The following CABCOCO1 variants were observed in gnomAD, a reference collection of about 807,000 sequenced individuals.
The protein encoded by CABCOCO1 is ciliary-associated calcium-binding coiled-coil protein 1.
A neutral mutation model predicts 35.7 loss-of-function variants in CABCOCO1; 28 were observed. The ratio of observed to expected loss-of-function variants is 0.78; its 90% confidence interval spans 0.58 to 1.07. The LOEUF (loss-of-function observed/expected upper bound fraction) is 1.07, where lower values mean the gene tolerates loss of function less well. Among genes scored for constraint, CABCOCO1 ranks in the 50% least tolerant of loss-of-function variants. CABCOCO1 has a pLI of 0.00. For missense variants in CABCOCO1, 326 were observed against 309.2 expected (o/e 1.05, Z -0.41); for synonymous variants, 95 against 100.1 (o/e 0.95, Z 0.30).
At chr10:61,760,764 GTAAAA>G in intron 6 of CABCOCO1, 94 bp from the exon 7 acceptor site, 1 of 1,322,776 alleles carries the variant, frequency 7.6e-7, no homozygotes, top group Non-Finnish European at 1.0e-6. Flanking sequence ...GGAACTTAAA[GTAAAA>G]TAAAATATAT....
chr10:61,749,177 G>A (rs1340989017), intron 5 of CABCOCO1, among the ~76,000 whole-genome samples: 3 of 152,130 alleles, frequency 2.0e-5, no homozygotes, highest in Non-Finnish European at 2.9e-5. Flanking sequence ...TTTTTTGCAA[G>A]TAAGTGTTAA....
At chr10:61,690,255 C>G (rs1413631874) in intron 4 of CABCOCO1, among the ~76,000 whole-genome samples, 1 of 152,034 alleles carries the variant, frequency 6.6e-6, no homozygotes, top group Non-Finnish European at 1.5e-5. Context: ...TAGGAAAAGT[C>G]AAGATGCCAT....
intron 4 of CABCOCO1, among the ~76,000 whole-genome samples, chr10:61,686,733 T>C (rs1839977501): frequency 6.6e-6 from 1 of 152,226 alleles, no homozygotes; most frequent in Non-Finnish European, 1.5e-5. Flanking sequence ...CCAATTAAAC[T>C]CATTAAGTCT....
rs1279928520 is a variant in CABCOCO1, at chr10:61,734,804, T to C, written c.553-25255T>C. 2.0e-5 allele frequency among the ~76,000 whole-genome samples: 3 copies of C among 152,152 alleles called. No individual in the cohort carries two copies. In the East Asian group the frequency reaches 5.8e-4, roughly 29 times the overall value. ...AGTGAGCTCATCCAAACTAGAAGTG[T>C]TAGATAAAATTTTAAAACAAGAACA... On this transcript the variant is annotated intron_variant, in intron 5 of 7. Transcript: ENST00000648843.
At chr10:61,712,124 C>A (rs1157401523) in intron 5 of CABCOCO1, among the ~76,000 whole-genome samples, 1 of 32,558 alleles carries the variant, frequency 3.1e-5, no homozygotes, top group East Asian at 4.5e-4. Flanking sequence ...TCCTATTTCT[C>A]CACATCCTCC....
At chr10:61,737,565 C>CA (rs1228366892) in intron 5 of CABCOCO1, among the ~76,000 whole-genome samples, 13 of 152,264 alleles carry the variant, frequency 8.5e-5, no homozygotes, top group Admixed American at 3.3e-4. Context: ...AAATGCTCAT[C>CA]AATGACAGAC....
At chr10:61,681,932 T>C (rs1217369513) in intron 3 of CABCOCO1, among the ~76,000 whole-genome samples, 1 of 152,174 alleles carries the variant, frequency 6.6e-6, no homozygotes. Flanking sequence ...GCAACAGATA[T>C]TGGAGGAAGT....
intron 5 of CABCOCO1, among the ~76,000 whole-genome samples, chr10:61,715,769 A>G (rs1840849535): frequency 6.6e-6 from 1 of 152,140 alleles, no homozygotes; most frequent in African/African-American, 2.4e-5. Context: ...TTCACTTATG[A>G]AGCTTAGTTT....
intron 5 of CABCOCO1, among the ~76,000 whole-genome samples, chr10:61,759,840 G>A (rs1217909756): frequency 6.6e-5 from 10 of 151,970 alleles, no homozygotes; most frequent in African/African-American, 9.7e-5. Flanking sequence ...ACAGAGTATC[G>A]AAAGGAAATG....
At chr10:61,731,571 CT>C (rs1841302572) in intron 5 of CABCOCO1, among the ~76,000 whole-genome samples, 1 of 151,770 alleles carries the variant, frequency 6.6e-6, no homozygotes, top group African/African-American at 2.4e-5. Context: ...CCTCAAAATA[CT>C]TCTAAGGAGT....
At chr10:61,762,619 T>C (rs1157040682) in intron 7 of CABCOCO1, among the ~76,000 whole-genome samples, 2 of 152,110 alleles carry the variant, frequency 1.3e-5, no homozygotes, top group African/African-American at 4.8e-5. Context: ...GTATTTTCTA[T>C]CAGTAATCCT....
chr10:61,757,965 G>A (rs77111416), intron 5 of CABCOCO1, among the ~76,000 whole-genome samples: 18,497 of 152,090 alleles, frequency 0.12, 1,521 homozygotes, highest in African/African-American at 0.21. Context: ...GTGAGGGCAA[G>A]TGAGCAGGAA....
chr10:61,714,425 T>G lies in CABCOCO1; in HGVS notation c.552+23804T>G, dbSNP rs369369053. ...TTTTCTTCTTTATTAGTCTTGCTAG[T>G]GGTCTATCAATTTTGTTGATCTTTT... On this transcript the variant is annotated intron_variant, in intron 5 of 7. Coordinates refer to ENST00000648843, the MANE Select transcript of CABCOCO1 (RefSeq NM_001366906.2). Among the ~76,000 whole-genome samples, 8 of 152,094 alleles carry G rather than the reference T, an allele frequency of 5.3e-5. No individual in the cohort carries two copies. In the East Asian group the frequency reaches 1.5e-3, roughly 29 times the overall value.
chr10:61,739,147 T>C (rs1053295487), intron 5 of CABCOCO1, among the ~76,000 whole-genome samples: 1 of 152,202 alleles, frequency 6.6e-6, no homozygotes, highest in Non-Finnish European at 1.5e-5. Flanking sequence ...GATAGTTGCA[T>C]AGCTAGTAAG....
At position 61,672,615 on chromosome 10, in the gene CABCOCO1, A is replaced by G. The variant is rs752625458; in HGVS notation, c.61-17A>G. 48 of 698,662 alleles carry G rather than the reference A, an allele frequency of 6.9e-5. No homozygotes were observed. The highest frequency in any genetic ancestry group is 8.3e-5 in the Non-Finnish European group (47 of 568,510). The allele number at this position is 698,662 out of a possible 1,614,324, so 43.3% of individuals were successfully genotyped here. On this transcript the variant is annotated splice_polypyrimidine_tract_variant and intron_variant, in intron 1 of 7. Transcript: ENST00000648843. ...ACGTACAATTAAAGTAACTCACTCC[A>G]CATTGTGTTTTGGTAGAGAGACACT...
At chr10:61,759,802 G>A (rs967060899) in intron 5 of CABCOCO1, among the ~76,000 whole-genome samples, 4 of 152,008 alleles carry the variant, frequency 2.6e-5, no homozygotes, top group Admixed American at 2.0e-4. Flanking sequence ...AGTTAAGAAC[G>A]AGGAGATACT....
At chr10:61,762,284 T>C (rs1167610934) in intron 7 of CABCOCO1, among the ~76,000 whole-genome samples, 2 of 152,120 alleles carry the variant, frequency 1.3e-5, no homozygotes, top group African/African-American at 2.4e-5. Flanking sequence ...AACAGTATGT[T>C]TTAACTATTC....
At chr10:61,727,343 T>C (rs910743351) in intron 5 of CABCOCO1, among the ~76,000 whole-genome samples, 5 of 152,212 alleles carry the variant, frequency 3.3e-5, no homozygotes, top group Non-Finnish European at 5.9e-5. Context: ...GAGAAAGATG[T>C]ATAAATTGTT....
chr10:61,682,889 C>CTTTTTTTCT lies in CABCOCO1; in HGVS notation c.334+1584_334+1585insCTTTTTTTT, dbSNP rs1554821785. Among the ~76,000 whole-genome samples the CTTTTTTTCT allele has an allele frequency of 1.3e-4, 17 of 128,202 alleles. 1 individual carries two copies. The highest frequency in any genetic ancestry group is 4.2e-4 in the African/African-American group (15 of 35,788). The allele number at this position is 128,202 out of a possible 152,430, so 84.1% of individuals were successfully genotyped here. On this transcript the variant is annotated intron_variant, in intron 3 of 7. Transcript: ENST00000648843. ...CCAGGAGTTAGTTTCACATGAATTT[C>CTTTTTTTCT]TTTTTTTTTTTTTTTAAGACAGATT...
Sources: gnomAD v4.1 joint callset for allele counts (sites outside exome capture counted in the v4.1 genomes callset) on GRCh38, gnomAD v4.1.1 for gene constraint, MANE v1.5 for transcripts, NCBI Gene and HGNC (gene_info 2026-07-23, HGNC 2026-07-21) for gene names.